ARHGEF9: variants seen among roughly 807,000 people sequenced by gnomAD.
ARHGEF9 encodes rho guanine nucleotide exchange factor 9.
In ARHGEF9, 2 loss-of-function variants were observed where a neutral mutation model predicts 41.3. That is an observed-to-expected ratio of 0.05 (90% confidence interval 0.02 to 0.15). The LOEUF is 0.15. Ranked by LOEUF, ARHGEF9 falls within the 10% of genes least tolerant of loss-of-function variation. The pLI, the probability that ARHGEF9 is intolerant of heterozygous loss-of-function variation, is 1.00. For synonymous variants in ARHGEF9, 160 were observed against 154.4 expected (o/e 1.04, Z -0.27); for missense variants, 225 against 424.7 (o/e 0.53, Z 4.13).
At chrX:63,640,120 G>A (rs1315998087) in intron 9 of ARHGEF9, 2 of 112,011 alleles carry the variant, frequency 1.8e-5, no homozygotes, top group African/African-American at 6.5e-5. Context: ...GACTTGAAAT[G>A]TTCCCAACAC....
At chrX:63,648,497 C>A (rs782219580) in intron 8 of ARHGEF9, among the ~76,000 whole-genome samples, 1 of 111,352 alleles carries the variant, frequency 9.0e-6, no homozygotes, top group Non-Finnish European at 1.9e-5. Flanking sequence ...TGCAAAAGCA[C>A]GCCAAATTGT....
rs782107289 is a variant in ARHGEF9 at position 63,636,953 on chromosome X, C to T, written c.*1075G>A. On this transcript the variant is annotated 3_prime_UTR_variant, in exon 10 of 10. Coordinates refer to ENST00000671741, the MANE Select transcript of ARHGEF9 (RefSeq NM_001353921.2). ...GAGCAGGGACAACCAGGACACTGAA[C>T]TGATTGCTGTAGAGATCACTGCCCT... is the stretch of plus-strand genomic sequence containing the variant. 6.8e-6 allele frequency: 2 copies of T among 295,541 alleles called. No individual in the cohort carries two copies. The highest frequency in any genetic ancestry group is 1.2e-5 in the Non-Finnish European group (2 of 170,041). The allele number at this position is 295,541 out of a possible 1,213,427, so 24.4% of individuals were successfully genotyped here.
At chrX:63,696,997 G>T in intron 4 of ARHGEF9, 128 bp downstream of exon 4, 1 of 692,337 alleles carries the variant, frequency 1.4e-6, no homozygotes, top group Non-Finnish European at 2.1e-6. Flanking sequence ...GGGTCAAAAT[G>T]AAGGCCCAAG....
At chrX:63,742,622 T>C (rs1216499034) in intron 1 of ARHGEF9, among the ~76,000 whole-genome samples, 3 of 111,599 alleles carry the variant, frequency 2.7e-5, no homozygotes, top group African/African-American at 9.8e-5. Flanking sequence ...TTCTTCCCCA[T>C]CCTTTGGGAT....
chrX:63,645,818 T>G (rs782008440), intron 8 of ARHGEF9, among the ~76,000 whole-genome samples: 4 of 112,074 alleles, frequency 3.6e-5, no homozygotes, highest in Non-Finnish European at 1.9e-5. Flanking sequence ...ACTTCCACAA[T>G]GGTTGAACTA....
At chrX:63,711,257 A>G (rs781990318) in intron 2 of ARHGEF9, among the ~76,000 whole-genome samples, 18 of 111,938 alleles carry the variant, frequency 1.6e-4, no homozygotes, top group African/African-American at 5.8e-4. Flanking sequence ...ATTCAACGCA[A>G]TACCTATCAA....
At chrX:63,715,105 C>T (rs1461926215) in intron 2 of ARHGEF9, among the ~76,000 whole-genome samples, 2 of 110,689 alleles carry the variant, frequency 1.8e-5, no homozygotes, top group African/African-American at 6.6e-5. Flanking sequence ...AACTAGATGC[C>T]TCTAATAAGA....
intron 8 of ARHGEF9, among the ~76,000 whole-genome samples, chrX:63,652,790 T>A (rs1412956198): frequency 5.4e-5 from 6 of 110,907 alleles, no homozygotes; most frequent in Admixed American, 2.9e-4. Context: ...AATCCCCATG[T>A]GTTGGGGGAG....
chrX:63,780,290 C>T (rs1368422616), intron 1 of ARHGEF9, among the ~76,000 whole-genome samples: 1 of 111,583 alleles, frequency 9.0e-6, no homozygotes. Context: ...TTCTGTTATT[C>T]ATAGCTGAAT....
chrX:63,726,604 T>C (rs1406824904), intron 1 of ARHGEF9: 1 of 111,612 alleles, frequency 9.0e-6, no homozygotes, highest in East Asian at 2.8e-4. Flanking sequence ...CCTCCCAAAG[T>C]GCTAGGATTA....
At chrX:63,755,083 G>A (rs2055880028) in intron 1 of ARHGEF9, 5 of 937,272 alleles carry the variant, frequency 5.3e-6, no homozygotes, top group Middle Eastern at 4.4e-4. Flanking sequence ...ACACTCGTTC[G>A]ATCCCTGCCT....
intron 1 of ARHGEF9, among the ~76,000 whole-genome samples, chrX:63,734,148 C>A (rs373691901): frequency 3.6e-5 from 4 of 111,735 alleles, no homozygotes; most frequent in Non-Finnish European, 1.9e-5. Flanking sequence ...CCAGCTGCTG[C>A]CTCAAAGTTC....
At chrX:63,701,648 A>C (rs1252154301) in intron 3 of ARHGEF9, 5 of 112,046 alleles carry the variant, frequency 4.5e-5, no homozygotes, top group African/African-American at 1.6e-4. Flanking sequence ...CCTTTCTTCA[A>C]ATGAAGTAAA....
Position 63,779,780 on chromosome X carries a change from C to T in ARHGEF9, c.30+5336G>A, listed in dbSNP as rs782185468. ...AAAGCTGACTACAAGCCCTTAGATTCTGTGTTTCTACAATCGCAGGCATAT... is the reference window on the plus strand; with the variant it reads ...AAAGCTGACTACAAGCCCTTAGATTTTGTGTTTCTACAATCGCAGGCATAT... On this transcript the variant is annotated intron_variant, in intron 1 of 9. Transcript: ENST00000671741. 1.6e-4 allele frequency among the ~76,000 whole-genome samples: 18 copies of T among 111,906 alleles called. No homozygotes were observed. The Admixed American group carries it at 1.7e-3, about 11-fold the overall frequency.
intron 1 of ARHGEF9, among the ~76,000 whole-genome samples, chrX:63,773,491 G>A (rs1459044370): frequency 1.8e-5 from 2 of 112,224 alleles, no homozygotes; most frequent in Non-Finnish European, 3.8e-5. Flanking sequence ...CAGATACAGA[G>A]TAGCGCAGTT....
chrX:63,705,748 T>C (rs1401497619), intron 3 of ARHGEF9, among the ~76,000 whole-genome samples: 1 of 111,561 alleles, frequency 9.0e-6, no homozygotes, highest in Non-Finnish European at 1.9e-5. Context: ...GGGATGCTCA[T>C]TAAACCTAAA....
rs1388586144 is a variant in ARHGEF9 at position 63,781,521 on chromosome X, G to A, written c.30+3595C>T. ...TATGTTCTTTCTAGCCCCACTCTTA[G>A]CGATCTGAGGGTCCGAGCAGGTGAT... On this transcript the variant is annotated intron_variant, in intron 1 of 9. Transcript: ENST00000671741. 2.7e-5 allele frequency among the ~76,000 whole-genome samples: 3 copies of A among 111,694 alleles called. No homozygotes were observed. In the East Asian group the frequency reaches 8.5e-4, roughly 32 times the overall value.
At position 63,678,704 on chromosome X, in the gene ARHGEF9, G is replaced by T. The variant is rs56088893; in HGVS notation, c.583-132C>A. On this transcript the variant is annotated intron_variant, in intron 4 of 9. Transcript: ENST00000671741. ...ATAATGAGTCAATTATTCTTAAATT[G>T]ATTCATAATTTAATAATAAATATCA... 160 of 477,116 alleles carry T rather than the reference G, an allele frequency of 3.4e-4. 1 individual carries two copies. The African/African-American group carries it at 3.7e-3, about 11-fold the overall frequency. The allele number at this position is 477,116 out of a possible 1,213,427, so 39.3% of individuals were successfully genotyped here.
rs2048828479 is a variant in ARHGEF9 at position 63,655,663 on chromosome X, C to A, written c.1152G>T (p.Glu384Asp). Residue 384 changes from glutamate to aspartate, a missense_variant, in exon 8 of 10, where the codon GAG (glutamate) becomes GAT (aspartate). By Grantham distance (45) the Glu-to-Asp change is conservative. Transcript: ENST00000671741. ...CATTGAAGTCATCATCTCTGCCATC[C>A]TCAATGTCAACTACCTCATATTTAT... The part of the protein sequence containing the change: ...DMDKYEVVDI[E>D]DGRDDDFNVS... 1 of 1,210,917 alleles carries A rather than the reference C, an allele frequency of 8.3e-7. No homozygotes were observed. The highest frequency in any genetic ancestry group is 3.0e-5 in the East Asian group (1 of 33,812).
Sources: allele counts gnomAD v4.1 joint callset (sites outside exome capture counted in the v4.1 genomes callset), GRCh38; gene constraint gnomAD v4.1.1; transcripts MANE v1.5; gene names NCBI Gene and HGNC (gene_info 2026-07-23, HGNC 2026-07-21).